ADAMTS3: variants seen among roughly 807,000 people sequenced by gnomAD.
ADAMTS3 encodes the protein ADAM metallopeptidase with thrombospondin type 1 motif 3, also known as A disintegrin and metalloproteinase with thrombospondin motifs 3.
A neutral mutation model predicts 129.0 loss-of-function variants in ADAMTS3; 73 were observed. That is an observed-to-expected ratio of 0.57 (90% CI 0.47 to 0.69). The LOEUF is 0.69. Among genes scored for constraint, ADAMTS3 ranks in the 30% least tolerant of loss-of-function variants. The probability of loss-of-function intolerance (pLI) is 0.00; values close to 1 mark genes in which losing one functional copy is unlikely to be tolerated. For missense variants in ADAMTS3, 1,457 were observed against 1,514.5 expected (o/e 0.96, Z 0.63); for synonymous variants, 477 against 510.8 (o/e 0.93, Z 0.89).
chr4:72,298,360 C>T lies in ADAMTS3; in HGVS notation c.2507G>A (p.Ser836Asn), dbSNP rs778724570. The change falls in exon 18 of 22, where the codon AGC (serine) becomes AAC (asparagine). Residue 836 changes from serine to asparagine, a missense_variant. Transcript: ENST00000286657. ...IHEDSVPTIN[S>N]NNVIQEELDT... is the part of the protein sequence containing the mutation. ...TAATTCTTCCTGGATGACATTGTTG[C>T]TGTTGATTGTAGGTACAGAGTCTTC... 2 of 1,613,116 alleles carry T rather than the reference C, an allele frequency of 1.2e-6. No homozygotes were observed. The highest frequency in any genetic ancestry group is 2.2e-5 in the South Asian group (2 of 91,038).
intron 19 of ADAMTS3, among the ~76,000 whole-genome samples, chr4:72,291,603 G>A (rs1196747906): frequency 6.6e-6 from 1 of 151,738 alleles, no homozygotes; most frequent in Admixed American, 6.6e-5. Flanking sequence ...TGGCTGCATA[G>A]TATTCCATGG....
At chr4:72,370,064 T>C (rs1483744458) in intron 4 of ADAMTS3, among the ~76,000 whole-genome samples, 2 of 152,214 alleles carry the variant, frequency 1.3e-5, no homozygotes, top group Admixed American at 1.3e-4. Context: ...CATACATTAG[T>C]TATTGAAAAA....
chr4:72,402,592 AT>A (rs1721953538), intron 4 of ADAMTS3, among the ~76,000 whole-genome samples: 1 of 152,146 alleles, frequency 6.6e-6, no homozygotes, highest in African/African-American at 2.4e-5. Flanking sequence ...AATATAGGAA[AT>A]AATAAAGATT....
chr4:72,477,549 G>C (rs1719275272), intron 3 of ADAMTS3, among the ~76,000 whole-genome samples: 1 of 151,982 alleles, frequency 6.6e-6, no homozygotes, highest in Non-Finnish European at 1.5e-5. Context: ...GCAGTGTGTA[G>C]AGGGAAATTT....
intron 3 of ADAMTS3, among the ~76,000 whole-genome samples, chr4:72,441,306 T>A (rs1351504): frequency 0.71 from 107,453 of 151,614 alleles, 38,290 homozygotes; most frequent in South Asian, 0.8. Context: ...TTATGTATTT[T>A]TCAACATTTG....
chr4:72,479,164 G>A (rs551449476), intron 3 of ADAMTS3, among the ~76,000 whole-genome samples: 1 of 152,234 alleles, frequency 6.6e-6, no homozygotes, highest in South Asian at 2.1e-4. Flanking sequence ...AGCTACCAAT[G>A]ACTTTCTTCA....
At chr4:72,553,736 A>C (rs1285856119) in intron 2 of ADAMTS3, among the ~76,000 whole-genome samples, 1 of 152,114 alleles carries the variant, frequency 6.6e-6, no homozygotes, top group Non-Finnish European at 1.5e-5. Context: ...GATAAGGGGT[A>C]CATGTTCTCT....
intron 19 of ADAMTS3, among the ~76,000 whole-genome samples, chr4:72,295,294 C>T (rs556254308): frequency 4.0e-5 from 6 of 151,740 alleles, no homozygotes; most frequent in South Asian, 4.2e-4. Context: ...TGTGCATTTG[C>T]GGAGTGGTCA....
chr4:72,348,528 C>T (rs143188401), intron 4 of ADAMTS3, among the ~76,000 whole-genome samples: 1 of 152,130 alleles, frequency 6.6e-6, no homozygotes, highest in Non-Finnish European at 1.5e-5. Context: ...CACTAAGATG[C>T]CCTGCCCTAG....
chr4:72,492,422 G>A (rs1306509576), intron 3 of ADAMTS3, among the ~76,000 whole-genome samples: 1 of 150,954 alleles, frequency 6.6e-6, no homozygotes, highest in Non-Finnish European at 1.5e-5. Flanking sequence ...CATGGGCTTT[G>A]ATATGTTGTT....
At chr4:72,468,334 G>T (rs1383930) in intron 3 of ADAMTS3, among the ~76,000 whole-genome samples, 94,745 of 151,886 alleles carry the variant, frequency 0.62, 30,198 homozygotes, top group South Asian at 0.79. Flanking sequence ...GTTTACAGGA[G>T]TCTTAAGAAA....
At chr4:72,497,258 C>A (rs186150427) in intron 3 of ADAMTS3, among the ~76,000 whole-genome samples, 398 of 152,068 alleles carry the variant, frequency 2.6e-3, no homozygotes, top group African/African-American at 6.8e-3. Context: ...TCTGGAAATG[C>A]ATATACAGAC....
At chr4:72,312,070 G>A in intron 13 of ADAMTS3, 2 of 468,680 alleles carry the variant, frequency 4.3e-6, no homozygotes, top group Admixed American at 3.4e-5. Flanking sequence ...CACCGCTGAT[G>A]GTGATAGTGC....
intron 3 of ADAMTS3, among the ~76,000 whole-genome samples, chr4:72,476,889 A>G (rs960027): frequency 0.23 from 34,738 of 152,074 alleles, 4,398 homozygotes; most frequent in Non-Finnish European, 0.29. Context: ...AAGCTAAAAC[A>G]TTAACAGGAT....
chr4:72,418,646 T>C (rs907981348), intron 3 of ADAMTS3, among the ~76,000 whole-genome samples: 1 of 152,192 alleles, frequency 6.6e-6, no homozygotes, highest in African/African-American at 2.4e-5. Context: ...TAGGATACAG[T>C]TGCATGGCTC....
At chr4:72,534,923 C>T (rs1484049606) in intron 3 of ADAMTS3, among the ~76,000 whole-genome samples, 1 of 152,156 alleles carries the variant, frequency 6.6e-6, no homozygotes, top group African/African-American at 2.4e-5. Context: ...ACCAATATGG[C>T]TCAATATTAG....
chr4:72,539,070 A>AAT (rs941891490), intron 3 of ADAMTS3, among the ~76,000 whole-genome samples: 12 of 152,078 alleles, frequency 7.9e-5, no homozygotes, highest in Admixed American at 2.0e-4. Context: ...CTTGTTAAAA[A>AAT]ATATATATAT....
chr4:72,406,056 G>A (rs73824597), intron 4 of ADAMTS3, among the ~76,000 whole-genome samples: 5,394 of 152,218 alleles, frequency 0.035, 330 homozygotes, highest in African/African-American at 0.12. Flanking sequence ...CAATGTCTGA[G>A]TCTCCTGGGG....
intron 3 of ADAMTS3, among the ~76,000 whole-genome samples, chr4:72,526,781 C>CAG (rs367563051): frequency 0.012 from 1,142 of 91,766 alleles, 8 homozygotes; most frequent in Middle Eastern, 0.045. Context: ...TATATATAGA[C>CAG]AGAGAGAGAG....
Sources: gnomAD v4.1 joint callset for allele counts (sites outside exome capture counted in the v4.1 genomes callset) on GRCh38, gnomAD v4.1.1 for gene constraint, MANE v1.5 for transcripts, NCBI Gene and HGNC (gene_info 2026-07-23, HGNC 2026-07-21) for gene names.